HECW1: variants seen among roughly 807,000 people sequenced by gnomAD.
HECW1 encodes the protein E3 ubiquitin-protein ligase HECW1.
A neutral mutation model predicts 182.3 loss-of-function variants in HECW1; 61 were observed. The ratio of observed to expected loss-of-function variants is 0.33; its 90% CI spans 0.27 to 0.41. HECW1 has a LOEUF of 0.41. HECW1 is among the 10% of genes least tolerant of loss of function. The pLI is 1.00. For synonymous variants in HECW1, 859 were observed against 832.6 expected, an observed-to-expected ratio of 1.03 and a Z score of -0.55; for missense variants, 1,739 against 2,108.9, an observed-to-expected ratio of 0.82 and a Z score of 3.44.
intron 4 of HECW1, among the ~76,000 whole-genome samples, chr7:43,314,485 G>A (rs878949662): frequency 6.6e-6 from 1 of 151,322 alleles, no homozygotes; most frequent in African/African-American, 2.4e-5. Context: ...GAAGGGGCAG[G>A]ATAACCAGGA....
chr7:43,250,548 G>C (rs1305525123), intron 3 of HECW1, among the ~76,000 whole-genome samples: 3 of 152,176 alleles, frequency 2.0e-5, no homozygotes, highest in South Asian at 4.1e-4. Flanking sequence ...GAAGTGCTAA[G>C]AAGAGAGGAC....
chr7:43,202,556 C>G (rs1369988104), intron 2 of HECW1, among the ~76,000 whole-genome samples: 2 of 151,648 alleles, frequency 1.3e-5, no homozygotes, highest in African/African-American at 4.9e-5. Flanking sequence ...TCACTGAAAC[C>G]ACTGCCTCCC....
chr7:43,215,103 T>G (rs1023265304), intron 2 of HECW1, among the ~76,000 whole-genome samples: 1 of 152,252 alleles, frequency 6.6e-6, no homozygotes, highest in Non-Finnish European at 1.5e-5. Flanking sequence ...AGGATTGAAT[T>G]TTCAGGTTCT....
intron 2 of HECW1, among the ~76,000 whole-genome samples, chr7:43,137,776 C>T (rs1389436905): frequency 1.3e-5 from 2 of 152,076 alleles, no homozygotes; most frequent in Non-Finnish European, 2.9e-5. Context: ...TCTCGAACTC[C>T]TGAGCTCAAG....
At chr7:43,293,806 C>T (rs1805699814) in intron 3 of HECW1, among the ~76,000 whole-genome samples, 1 of 152,102 alleles carries the variant, frequency 6.6e-6, no homozygotes, top group Non-Finnish European at 1.5e-5. Flanking sequence ...CTGGTACCAG[C>T]CCATGGCCTG....
chr7:43,147,046 C>G (rs1788792103), intron 2 of HECW1, among the ~76,000 whole-genome samples: 1 of 152,164 alleles, frequency 6.6e-6, no homozygotes, highest in African/African-American at 2.4e-5. Context: ...CTCTGGCCAG[C>G]AGTGGGTAAT....
chr7:43,169,690 C>CTTTTTTTT (rs374141328), intron 2 of HECW1, among the ~76,000 whole-genome samples: 21 of 113,478 alleles, frequency 1.9e-4, no homozygotes, highest in African/African-American at 4.8e-4. Flanking sequence ...TTTTTCTTTT[C>CTTTTTTTT]TTTTTTTTTT....
chr7:43,166,925 C>A (rs149820517), intron 2 of HECW1, among the ~76,000 whole-genome samples: 1 of 152,188 alleles, frequency 6.6e-6, no homozygotes, highest in Admixed American at 6.5e-5. Context: ...TGGATGACCC[C>A]GTGTGCCAGG....
intron 24 of HECW1, among the ~76,000 whole-genome samples, chr7:43,510,539 C>T (rs550589811): frequency 5.9e-5 from 9 of 152,282 alleles, no homozygotes; most frequent in Non-Finnish European, 7.4e-5. Context: ...GTGTGAGGAA[C>T]ACATGAGCCA....
At position 43,509,104 on chromosome 7, in the gene HECW1, A is replaced by G. The variant is rs78404575; in HGVS notation, c.4002A>G (p.Val1334=). Residue 1334 remains valine, a synonymous_variant, in exon 24 of 30, where the codon GTA becomes GTG. Coordinates refer to ENST00000395891, the MANE Select transcript of HECW1 (RefSeq NM_015052.5). ...TVQISPMSAF[V]ENHLEWFRFS... is the part of the protein sequence containing the mutation. ...AGATCAGCCCCATGTCCGCATTTGT[A>G]GAAAACCATCTTGAGTGGTAAGCTC... is the stretch of plus-strand genomic sequence containing the variant. The G allele has an allele frequency of 7.0e-4, 1,137 of 1,614,088 alleles. 3 individuals carry two copies. The African/African-American group carries it at 0.012, about 17-fold the overall frequency.
rs766233064 is a variant in HECW1 at position 43,310,543 on chromosome 7, G to A, written c.28-1220G>A. Among the ~76,000 whole-genome samples, 38 of 152,200 alleles carry A rather than the reference G, an allele frequency of 2.5e-4. 1 individual carries two copies. Among genetic ancestry groups the A allele is most frequent in the Non-Finnish European group, 1.2e-4 (8 of 68,040 alleles). ...ACAGGAGACACAGATGAGTGAAAGG[G>A]CCTGCCTGCCCCATGGCCATAGAGG... is the stretch of plus-strand genomic sequence containing the variant. On this transcript the variant is annotated intron_variant, in intron 3 of 29. Coordinates refer to ENST00000395891, the MANE Select transcript of HECW1 (RefSeq NM_015052.5).
chr7:43,226,237 A>T (rs1366957291), intron 2 of HECW1, among the ~76,000 whole-genome samples: 1 of 152,216 alleles, frequency 6.6e-6, no homozygotes, highest in East Asian at 1.9e-4. Flanking sequence ...AAAAATTTTG[A>T]TAAAAGTTCA....
chr7:43,124,297 GC>G (rs1785957619), intron 2 of HECW1, among the ~76,000 whole-genome samples: 1 of 152,200 alleles, frequency 6.6e-6, no homozygotes, highest in African/African-American at 2.4e-5. Context: ...TTCGCAAATA[GC>G]TTTTGAGGGA....
chr7:43,354,628 CAATA>C (rs1365009671), intron 5 of HECW1, among the ~76,000 whole-genome samples: 2 of 151,842 alleles, frequency 1.3e-5, no homozygotes, highest in Admixed American at 1.3e-4. Flanking sequence ...AAAGAAAAAA[CAATA>C]AAAAGGAACA....
intron 24 of HECW1, among the ~76,000 whole-genome samples, chr7:43,520,023 A>T (rs1188274012): frequency 1.3e-5 from 2 of 152,230 alleles, no homozygotes; most frequent in African/African-American, 4.8e-5. Context: ...ATCTGTGGGT[A>T]AAAAATAAAT....
At chr7:43,524,473 C>G (rs573005648) in intron 24 of HECW1, among the ~76,000 whole-genome samples, 11 of 152,240 alleles carry the variant, frequency 7.2e-5, no homozygotes, top group African/African-American at 2.6e-4. Context: ...TTTAATTAAA[C>G]AAAGTTAGAA....
rs113471017 is a variant in HECW1, at chr7:43,468,515, T to C, written c.2914-405T>C. 2.6e-3 allele frequency among the ~76,000 whole-genome samples: 394 copies of C among 151,720 alleles called. 4 individuals are homozygous for C. The highest frequency in any genetic ancestry group is 9.0e-3 in the African/African-American group (371 of 41,366). On this transcript the variant is annotated intron_variant, in intron 15 of 29. Transcript: ENST00000395891. The stretch of plus-strand genomic sequence containing the variant: ...TGTGGGCCAAGGGGGCATGATTCAA[T>C]GCACATTCACTTTTTTTTTTTTTGG...
intron 2 of HECW1, among the ~76,000 whole-genome samples, chr7:43,132,744 C>T (rs1350586798): frequency 1.3e-5 from 2 of 152,136 alleles, no homozygotes; most frequent in African/African-American, 4.8e-5. Flanking sequence ...CTTGACCCTT[C>T]TTTCTTCCTT....
chr7:43,535,607 C>T (rs986343599), intron 24 of HECW1, among the ~76,000 whole-genome samples: 14 of 152,150 alleles, frequency 9.2e-5, no homozygotes, highest in African/African-American at 2.9e-4. Flanking sequence ...AACGGCTGAA[C>T]CAAGCATAGA....
Sources: allele counts gnomAD v4.1 joint callset (sites outside exome capture counted in the v4.1 genomes callset), GRCh38; gene constraint gnomAD v4.1.1; transcripts MANE v1.5; gene names NCBI Gene and HGNC (gene_info 2026-07-23, HGNC 2026-07-21).